Variants in ABCA13 observed in about 807,000 individuals in gnomAD.
The protein encoded by ABCA13 is ATP-binding cassette sub-family A member 13.
In ABCA13, 476 loss-of-function variants were observed where a neutral mutation model predicts 478.7. The observed-to-expected ratio is 0.99, with a 90% CI of 0.92 to 1.07. ABCA13 has a LOEUF of 1.07. ABCA13 is among the 50% of genes least tolerant of loss of function. ABCA13 has a pLI of 0.00. For missense variants in ABCA13, 6,060 were observed against 5,910.6 expected, an observed-to-expected ratio of 1.03 and a Z score of -0.83; for synonymous variants, 2,252 against 2,158.9, an observed-to-expected ratio of 1.04 and a Z score of -1.20.
intron 45 of ABCA13, among the ~76,000 whole-genome samples, chr7:48,479,089 AG>A (rs1828471643): frequency 6.6e-6 from 1 of 150,792 alleles, no homozygotes; most frequent in Non-Finnish European, 1.5e-5. Context: ...CTGGGACTAC[AG>A]GTGGCCGCCA....
At chr7:48,458,254 G>A (rs186553251) in intron 43 of ABCA13, among the ~76,000 whole-genome samples, 1 of 152,296 alleles carries the variant, frequency 6.6e-6, no homozygotes, top group Admixed American at 6.5e-5. Flanking sequence ...GATTCAAAAG[G>A]GGCCCAGATT....
chr7:48,557,604 C>A (rs1785974773), intron 55 of ABCA13, among the ~76,000 whole-genome samples: 1 of 152,110 alleles, frequency 6.6e-6, no homozygotes, highest in African/African-American at 2.4e-5. Flanking sequence ...TGTTTCCTTT[C>A]TCTTGCTGCT....
chr7:48,223,607 AG>A (rs1408447771), intron 5 of ABCA13, among the ~76,000 whole-genome samples: 7 of 152,210 alleles, frequency 4.6e-5, no homozygotes, highest in Admixed American at 3.3e-4. Context: ...GATGTTGACA[AG>A]AAAGGCTCTG....
chr7:48,234,251 C>A (rs756625291), intron 8 of ABCA13, 100 bp downstream of exon 8: 65 of 1,549,880 alleles, frequency 4.2e-5, no homozygotes, highest in Non-Finnish European at 5.3e-5. Context: ...ACGGGAGAGG[C>A]AGCCAGACAG....
chr7:48,410,118 G>A (rs1209666593), intron 39 of ABCA13, among the ~76,000 whole-genome samples: 1 of 132,262 alleles, frequency 7.6e-6, no homozygotes, highest in East Asian at 2.3e-4. Flanking sequence ...AAAAGGATGA[G>A]GAAGAGGACT....
chr7:48,248,593 G>A, intron 14 of ABCA13, 149 bp downstream of exon 14: 2 of 657,802 alleles, frequency 3.0e-6, no homozygotes, highest in Non-Finnish European at 4.7e-6. Flanking sequence ...TAACCTACTG[G>A]TACTGTTGGA....
At chr7:48,279,941 A>G (rs1391209443) in intron 18 of ABCA13, 21 bp downstream of exon 18, 3 of 1,500,938 alleles carry the variant, frequency 2.0e-6, no homozygotes, top group Non-Finnish European at 2.7e-6. Flanking sequence ...AGCTGAATTC[A>G]CTTTGTTTTT....
At position 48,367,740 on chromosome 7, in the gene ABCA13, TTA is replaced by T. The variant is rs1376967400; in HGVS notation, c.10689-53_10689-52del. Reference sequence around the variant, plus strand: ...TAACTTGGAAGAAAAATGTAAAAAATTAGTAGAGTCATTTTGCTTGTCTCCGG... The same window carrying T: ...TAACTTGGAAGAAAAATGTAAAAAATGTAGAGTCATTTTGCTTGTCTCCGG... On this transcript the variant is annotated intron_variant, in intron 31 of 61. Transcript: ENST00000435803. 2.2e-6 allele frequency: 3 copies of T among 1,366,646 alleles called. No homozygotes were observed. The African/African-American group carries it at 4.3e-5, about 20-fold the overall frequency. The allele number at this position is 1,366,646 out of a possible 1,614,324, so 84.7% of individuals were successfully genotyped here. A position where few individuals can be genotyped will look rare whatever the true frequency, so the allele number is the denominator to read the frequency against.
rs1327471915 is a variant in ABCA13, at chr7:48,645,518, A to G, written c.*6A>G. ...CACATCACTTGCCCATCTGAGCACTAAAGAAGTTTCCATAAGGAATAAAAC... is the reference window on the plus strand; with the variant it reads ...CACATCACTTGCCCATCTGAGCACTGAAGAAGTTTCCATAAGGAATAAAAC... On this transcript the variant is annotated 3_prime_UTR_variant, in exon 62 of 62. Coordinates refer to ENST00000435803, the MANE Select transcript of ABCA13 (RefSeq NM_152701.5). 1.9e-6 allele frequency: 3 copies of G among 1,570,188 alleles called. No homozygotes were observed. The Admixed American group carries it at 5.6e-5, about 29-fold the overall frequency.
At chr7:48,486,073 C>T (rs1015900487) in intron 47 of ABCA13, among the ~76,000 whole-genome samples, 1 of 152,066 alleles carries the variant, frequency 6.6e-6, no homozygotes, top group Admixed American at 6.5e-5. Flanking sequence ...ATAAAGCACC[C>T]TAGGCTTTCT....
rs1321132456 is a variant in ABCA13, at chr7:48,272,976, A to C, written c.3310A>C (p.Asn1104His). 6.2e-7 allele frequency: 1 copy of C among 1,613,472 alleles called. No individual in the cohort carries two copies. The highest frequency in any genetic ancestry group is 8.5e-7 in the Non-Finnish European group (1 of 1,179,696). The change falls in exon 17 of 62, where the codon AAT becomes CAT. Residue 1104 changes from asparagine to histidine, a missense_variant. By Grantham distance (68) the Asn-to-His change is moderately conservative. Around this residue, in one of 3 missense-constraint regions of ABCA13, gnomAD observed 4,423 missense variants for 4,309.1 expected, o/e 1.03. Coordinates refer to ENST00000435803, the MANE Select transcript of ABCA13 (RefSeq NM_152701.5). ...LLDNKCLISD[N>H]KHISSVNYST... is the part of the protein sequence containing the mutation. ...GGATAATAAATGCTTGATTTCGGAC[A>C]ATAAACACATTTCTTCCGTAAATTA...
rs539596955 is a variant in ABCA13 at position 48,584,515 on chromosome 7, G to C, written c.14506-2639G>C. On this transcript the variant is annotated intron_variant, in intron 56 of 61. Coordinates refer to ENST00000435803, the MANE Select transcript of ABCA13 (RefSeq NM_152701.5). ...CTGTGTACATTAGTTTCTTTGGTGT[G>C]TCTATATTGAGCCCATGTGGGTGAG... 2.6e-5 allele frequency among the ~76,000 whole-genome samples: 4 copies of C among 152,244 alleles called. No homozygotes were observed. The South Asian group carries it at 8.3e-4, about 32-fold the overall frequency.
chr7:48,210,432 G>GT (rs1212331317), intron 3 of ABCA13, among the ~76,000 whole-genome samples: 2 of 151,778 alleles, frequency 1.3e-5, no homozygotes, highest in Admixed American at 6.6e-5. Context: ...TTTATTTGAA[G>GT]TTTTTTTTCT....
At chr7:48,416,464 A>C (rs1412671715) in intron 41 of ABCA13, among the ~76,000 whole-genome samples, 1 of 151,632 alleles carries the variant, frequency 6.6e-6, no homozygotes, top group Admixed American at 6.6e-5. Flanking sequence ...CCCTCACTGC[A>C]CTCACTGCAG....
In ABCA13 at chr7:48,206,253, T is replaced by A. The variant is rs571165255; in HGVS notation, c.287+7893T>A. Among the ~76,000 whole-genome samples, 9 of 152,318 alleles carry A rather than the reference T, an allele frequency of 5.9e-5. 1 individual carries two copies. In the South Asian group the frequency reaches 1.9e-3, roughly 32 times the overall value. ...CAATGGACTGCGTATATGACAGGGG[T>A]CACATAGAATTATAATACCATATCT... On this transcript the variant is annotated intron_variant, in intron 3 of 61. Coordinates refer to ENST00000435803, the MANE Select transcript of ABCA13 (RefSeq NM_152701.5).
chr7:48,285,759 G>C (rs12666513), intron 19 of ABCA13, among the ~76,000 whole-genome samples: 83,515 of 152,054 alleles, frequency 0.55, 23,232 homozygotes, highest in East Asian at 0.77. Context: ...GTGTCTTCCC[G>C]AGACCAGAGG....
chr7:48,385,559 G>T (rs540385094), intron 35 of ABCA13, among the ~76,000 whole-genome samples: 1 of 152,180 alleles, frequency 6.6e-6, no homozygotes, highest in Non-Finnish European at 1.5e-5. Context: ...CCAGTCTATT[G>T]TTGATGGCCA....
intron 57 of ABCA13, among the ~76,000 whole-genome samples, chr7:48,592,530 G>A (rs1475558249): frequency 6.6e-6 from 1 of 151,772 alleles, no homozygotes; most frequent in African/African-American, 2.4e-5. Context: ...TATGTGTTCT[G>A]GAGAAGAATG....
chr7:48,412,915 C>T (rs1819477274), intron 41 of ABCA13, among the ~76,000 whole-genome samples: 1 of 151,486 alleles, frequency 6.6e-6, no homozygotes, highest in Non-Finnish European at 1.5e-5. Flanking sequence ...GGGTTCACGC[C>T]AGTCTCCTGC....
Sources: allele counts gnomAD v4.1 joint callset (sites outside exome capture counted in the v4.1 genomes callset), GRCh38; gene constraint gnomAD v4.1.1; regional missense constraint gnomAD v4.1.1; transcripts MANE v1.5; gene names NCBI Gene and HGNC (gene_info 2026-07-23, HGNC 2026-07-21).